Variants in MTUS2 observed in about 807,000 individuals in gnomAD.
The protein encoded by MTUS2 is microtubule-associated tumor suppressor candidate 2.
In MTUS2, 40 loss-of-function variants were observed where a neutral mutation model predicts 114.1. The ratio of observed to expected loss-of-function variants is 0.35; its 90% CI spans 0.27 to 0.46. The LOEUF is 0.46. MTUS2 is among the 20% of genes least tolerant of loss of function. The probability of loss-of-function intolerance (pLI) is 1.00; values close to 1 mark genes in which losing one functional copy is unlikely to be tolerated. For missense variants in MTUS2, 1,679 were observed against 1,705.4 expected (o/e 0.98, Z 0.27); for synonymous variants, 688 against 672.0 (o/e 1.02, Z -0.37).
intron 7 of MTUS2, among the ~76,000 whole-genome samples, chr13:29,357,722 T>C (rs185919021): frequency 3.3e-5 from 5 of 152,368 alleles, no homozygotes; most frequent in Admixed American, 2.0e-4. Context: ...TATTCTGCTA[T>C]CATAAACACA....
chr13:29,325,059 G>A (rs1260679931), intron 7 of MTUS2, among the ~76,000 whole-genome samples: 1 of 152,196 alleles, frequency 6.6e-6, no homozygotes, highest in Non-Finnish European at 1.5e-5. Flanking sequence ...CAGAGATAAT[G>A]GGTATCAAAT....
intron 8 of MTUS2, among the ~76,000 whole-genome samples, chr13:29,384,905 A>C (rs1872530930): frequency 6.6e-6 from 1 of 152,212 alleles, no homozygotes; most frequent in Non-Finnish European, 1.5e-5. Context: ...GTGGCCTAAA[A>C]ACACCTAGCT....
chr13:29,084,987 C>G (rs1261856315), intron 4 of MTUS2, among the ~76,000 whole-genome samples: 1 of 152,136 alleles, frequency 6.6e-6, no homozygotes, highest in African/African-American at 2.4e-5. Context: ...GTGGGTGGAT[C>G]CCTCATGTAT....
intron 2 of MTUS2, among the ~76,000 whole-genome samples, chr13:28,956,671 T>A (rs1883082884): frequency 6.6e-6 from 1 of 152,056 alleles, no homozygotes. Flanking sequence ...ACAAACACTG[T>A]AACTTGGAGG....
At chr13:29,280,323 G>A (rs1261185449) in intron 5 of MTUS2, among the ~76,000 whole-genome samples, 1 of 152,150 alleles carries the variant, frequency 6.6e-6, no homozygotes, top group Non-Finnish European at 1.5e-5. Context: ...TTAGTCCTAT[G>A]CAGAACTATT....
intron 8 of MTUS2, among the ~76,000 whole-genome samples, chr13:29,434,444 C>G (rs975158746): frequency 1.3e-5 from 2 of 152,188 alleles, no homozygotes; most frequent in Non-Finnish European, 2.9e-5. Flanking sequence ...TACTGACTCT[C>G]TGGACGTCAA....
At chr13:29,093,782 A>G (rs1195918729) in intron 4 of MTUS2, among the ~76,000 whole-genome samples, 1 of 152,168 alleles carries the variant, frequency 6.6e-6, no homozygotes, top group Non-Finnish European at 1.5e-5. Flanking sequence ...AGCACCTTCC[A>G]TACAATGTTA....
intron 8 of MTUS2, among the ~76,000 whole-genome samples, chr13:29,391,952 T>C (rs1873513687): frequency 6.6e-6 from 1 of 151,628 alleles, no homozygotes; most frequent in Non-Finnish European, 1.5e-5. Context: ...CTGGCCAACA[T>C]GGTGAAACCT....
intron 5 of MTUS2, among the ~76,000 whole-genome samples, chr13:29,233,283 G>T (rs1038166268): frequency 6.6e-6 from 1 of 151,650 alleles, no homozygotes; most frequent in South Asian, 2.1e-4. Flanking sequence ...GCCTAGCACA[G>T]TTGGACATAG....
At chr13:28,962,001 A>G (rs571174773) in intron 2 of MTUS2, among the ~76,000 whole-genome samples, 2 of 152,008 alleles carry the variant, frequency 1.3e-5, no homozygotes, top group African/African-American at 4.8e-5. Flanking sequence ...TGGATTGCAG[A>G]GAATAAATAT....
chr13:29,393,795 T>C lies in MTUS2; in HGVS notation c.3117+34322T>C, dbSNP rs1873698316. ...TAGGGAGACATGAGCCATCAATCAA[T>C]AAATGTAAGATGAACATTGGTTGGG... On this transcript the variant is annotated intron_variant, in intron 8 of 15. Transcript: ENST00000612955. Among the ~76,000 whole-genome samples, 6 of 152,254 alleles carry C rather than the reference T, an allele frequency of 3.9e-5. 1 individual carries two copies. The South Asian group carries it at 1.2e-3, about 32-fold the overall frequency.
chr13:29,398,558 G>A (rs1160194896), intron 8 of MTUS2, among the ~76,000 whole-genome samples: 1 of 151,000 alleles, frequency 6.6e-6, no homozygotes, highest in Non-Finnish European at 1.5e-5. Context: ...CAGCCCAGAT[G>A]TCTCTCATTC....
intron 2 of MTUS2, among the ~76,000 whole-genome samples, chr13:28,999,460 G>C (rs539755646): frequency 6.6e-6 from 1 of 152,224 alleles, no homozygotes; most frequent in East Asian, 1.9e-4. Context: ...TTTTCATAGG[G>C]CTTACATTTA....
At position 28,999,239 on chromosome 13, in the gene MTUS2, G is replaced by A. The variant is rs143791762; in HGVS notation, c.-242-25218G>A. ...GAACCGCAAATGCTGCTGCCTGATC[G>A]TTCCTCTGGAAGTTTTGTCTCAGAG... On this transcript the variant is annotated intron_variant, in intron 2 of 15. Transcript: ENST00000612955. Among the ~76,000 whole-genome samples the A allele has an allele frequency of 6.7e-4, 102 of 152,184 alleles. No homozygotes were observed. In the East Asian group the frequency reaches 0.019, roughly 28 times the overall value.
At chr13:29,139,242 C>T (rs913316895) in intron 5 of MTUS2, among the ~76,000 whole-genome samples, 1 of 152,140 alleles carries the variant, frequency 6.6e-6, no homozygotes, top group East Asian at 1.9e-4. Context: ...AAATGGTTAA[C>T]TCAAGCTGAT....
chr13:29,217,583 T>G (rs1372213882), intron 5 of MTUS2, among the ~76,000 whole-genome samples: 1 of 152,238 alleles, frequency 6.6e-6, no homozygotes, highest in Admixed American at 6.5e-5. Context: ...TGGTTCTTGC[T>G]TTGATGGTGG....
intron 5 of MTUS2, among the ~76,000 whole-genome samples, chr13:29,157,855 A>G (rs11617186): frequency 0.14 from 22,024 of 152,058 alleles, 1,892 homozygotes; most frequent in East Asian, 0.29. Context: ...TAGATCGATC[A>G]TGATTCATCA....
intron 8 of MTUS2, among the ~76,000 whole-genome samples, chr13:29,402,583 G>T (rs1293154430): frequency 6.6e-6 from 1 of 152,146 alleles, no homozygotes; most frequent in Admixed American, 6.5e-5. Context: ...AGGAACACCT[G>T]TTGCTGGAGG....
intron 2 of MTUS2, among the ~76,000 whole-genome samples, chr13:28,953,118 C>T (rs1882888768): frequency 6.6e-6 from 1 of 151,098 alleles, no homozygotes; most frequent in South Asian, 2.1e-4. Context: ...GAGCAGCTTT[C>T]TATACACTTG....
Sources: gnomAD v4.1 joint callset for allele counts (sites outside exome capture counted in the v4.1 genomes callset) on GRCh38, gnomAD v4.1.1 for gene constraint, MANE v1.5 for transcripts, NCBI Gene and HGNC (gene_info 2026-07-23, HGNC 2026-07-21) for gene names.